The following ZNF235 variants were observed in gnomAD, a reference collection of about 807,000 sequenced individuals.
ZNF235 encodes the protein zinc finger protein 235.
ZNF235 carries 25 observed loss-of-function variants against 29.4 expected under a neutral mutation model. That is an observed-to-expected ratio of 0.85 (90% confidence interval 0.62 to 1.19). The LOEUF (loss-of-function observed/expected upper bound fraction) is 1.19, where lower values mean the gene tolerates loss of function less well. ZNF235 is among the 50% of genes most tolerant of loss of function. The probability of loss-of-function intolerance (pLI) is 0.00; values close to 1 mark genes in which losing one functional copy is unlikely to be tolerated. For missense variants in ZNF235, 788 were observed against 885.0 expected (o/e 0.89, Z 1.39); for synonymous variants, 300 against 295.3 (o/e 1.02, Z -0.16).
intron 2 of ZNF235, among the ~76,000 whole-genome samples, chr19:44,300,966 A>G (rs1011812652): frequency 2.0e-5 from 3 of 152,156 alleles, no homozygotes; most frequent in Non-Finnish European, 4.4e-5. Context: ...AGAGATTATA[A>G]GTATTCCCGA....
intron 4 of ZNF235, among the ~76,000 whole-genome samples, chr19:44,297,814 C>T (rs1230742793): frequency 3.9e-5 from 6 of 152,078 alleles, no homozygotes; most frequent in Non-Finnish European, 2.9e-5. Flanking sequence ...TGAGCAGAAG[C>T]ATGAATGAAA....
At chr19:44,298,741 A>G in intron 4 of ZNF235, 67 bp downstream of exon 4, 1 of 1,219,580 alleles carries the variant, frequency 8.2e-7, no homozygotes, top group Non-Finnish European at 1.2e-6. Context: ...CTGAGTGGAG[A>G]AGAAATTATC....
intron 2 of ZNF235, among the ~76,000 whole-genome samples, chr19:44,302,839 C>T (rs1384367083): frequency 3.8e-5 from 4 of 105,430 alleles, no homozygotes; most frequent in Admixed American, 1.0e-4. Context: ...TAACTATATA[C>T]TTATATATGA....
intron 4 of ZNF235, among the ~76,000 whole-genome samples, chr19:44,293,749 G>T (rs1975615887): frequency 1.3e-5 from 2 of 151,930 alleles, no homozygotes. Context: ...AATAAAACTA[G>T]AAATCAATTC....
At chr19:44,304,933 G>T in intron 1 of ZNF235, 38 bp downstream of exon 1, 14 of 985,478 alleles carry the variant, frequency 1.4e-5, no homozygotes, top group Non-Finnish European at 1.7e-5. Flanking sequence ...TAGGCAAAGA[G>T]GGCTCGGAGA....
chr19:44,289,001 G>A lies in ZNF235; in HGVS notation c.434C>T (p.Ala145Val). ...KHHDSPCQVG[A>V]GESIQASVDD... is the part of the protein sequence containing the mutation. The stretch of plus-strand genomic sequence containing the variant: ...CACAGAAGCTTGAATAGATTCTCCT[G>A]CTCCCACTTGACAGGGGGAATCATG... The change falls in exon 5 of 5, where the codon GCA becomes GTA. Residue 145 changes from alanine (A) to valine (V), a missense_variant. Transcript: ENST00000291182. 1 of 1,614,050 alleles carries A rather than the reference G, an allele frequency of 6.2e-7. No homozygotes were observed. The highest frequency in any genetic ancestry group is 8.5e-7 in the Non-Finnish European group (1 of 1,179,962).
rs1276432091 is a variant in ZNF235 at position 44,287,243 on chromosome 19, C to T, written c.2192G>A (p.Arg731Lys). ...SQRSHLIYHQRVHTGGNL is the reference protein window; with the variant it reads ...SQRSHLIYHQKVHTGGNL Reference sequence around the variant, plus strand: ...CTACAGATTCCCTCCAGTGTGGACTCTCTGATGGTAGATGAGATGTGACCT... The same window carrying T: ...CTACAGATTCCCTCCAGTGTGGACTTTCTGATGGTAGATGAGATGTGACCT... Residue 731 changes from arginine to lysine, a missense_variant, in exon 5 of 5, where the codon AGA (arginine) becomes AAA (lysine). By Grantham distance (26) the Arg-to-Lys change is conservative. Coordinates refer to ENST00000291182, the MANE Select transcript of ZNF235 (RefSeq NM_004234.4). 1 of 1,608,756 alleles carries T rather than the reference C, an allele frequency of 6.2e-7. No homozygotes were observed. Among genetic ancestry groups the T allele is most frequent in the South Asian group, 1.1e-5 (1 of 90,194 alleles).
At position 44,299,020 on chromosome 19, in the gene ZNF235, A is replaced by T. The variant is rs556839228; in HGVS notation, c.143-117T>A. The T allele has an allele frequency of 3.3e-5, 21 of 629,098 alleles. No homozygotes were observed. The East Asian group carries it at 5.9e-4, about 18-fold the overall frequency. 39.0% of individuals were successfully genotyped at this position (629,098 alleles called of 1,614,324 possible). On this transcript the variant is annotated intron_variant, in intron 3 of 4. Coordinates refer to ENST00000291182, the MANE Select transcript of ZNF235 (RefSeq NM_004234.4). ...CCCCAGCATGCAATGTTTAGGGAAC[A>T]TTTTTTTTTGTCATGACACATTATA...
At chr19:44,292,743 T>C (rs1975601737) in intron 4 of ZNF235, among the ~76,000 whole-genome samples, 1 of 151,950 alleles carries the variant, frequency 6.6e-6, no homozygotes, top group African/African-American at 2.4e-5. Context: ...AGAGATCTAA[T>C]GAACTCCACG....
rs760716967 is a variant in ZNF235, at chr19:44,287,280, C to A, written c.2155G>T (p.Gly719Cys). The A allele has an allele frequency of 6.2e-7, 1 of 1,612,788 alleles. No homozygotes were observed. The highest frequency in any genetic ancestry group is 1.1e-5 in the South Asian group (1 of 90,992). ...RPYICDVCCKGFSQRSHLIYH... is the reference protein window; with the variant it reads ...RPYICDVCCKCFSQRSHLIYH... ...ATGAGATGTGACCTCTGACTGAAGC[C>A]CTTACAACAGACATCACATATGTAA... The change falls in exon 5 of 5, where the codon GGC (glycine) becomes TGC (cysteine). Residue 719 changes from glycine to cysteine, a missense_variant. Gly to Cys is a radical substitution (Grantham distance 159, BLOSUM62 -3). Transcript: ENST00000291182.
intron 4 of ZNF235, chr19:44,290,463 T>G: frequency 6.6e-6 from 1 of 151,772 alleles, no homozygotes. Context: ...GTTTTGTTTT[T>G]TTGAAATGGA....
chr19:44,304,586 G>A (rs1197827007), intron 1 of ZNF235: 2 of 462,024 alleles, frequency 4.3e-6, no homozygotes, highest in South Asian at 9.1e-5. Context: ...CTATGCACTG[G>A]TTTTAAGCTT....
chr19:44,288,516 G>C lies in ZNF235; in HGVS notation c.919C>G (p.Pro307Ala). 6.2e-7 allele frequency: 1 copy of C among 1,614,112 alleles called. No individual in the cohort carries two copies. Among genetic ancestry groups the C allele is most frequent in the East Asian group, 2.2e-5 (1 of 44,872 alleles). Residue 307 changes from proline (P) to alanine (A), a missense_variant, in exon 5 of 5, where the codon CCT becomes GCT. By Grantham distance (27) the Pro-to-Ala change is conservative. Coordinates refer to ENST00000291182, the MANE Select transcript of ZNF235 (RefSeq NM_004234.4). Reference protein sequence around the residue: ...EKDTSYSSGIPVQQSVRTGKK... With the variant: ...EKDTSYSSGIAVQQSVRTGKK... Reference sequence around the variant, plus strand: ...CCAGTACGAACACTTTGTTGAACAGGAATACCTGAGCTATAACTGGTGTCC... The same window carrying C: ...CCAGTACGAACACTTTGTTGAACAGCAATACCTGAGCTATAACTGGTGTCC...
chr19:44,296,516 C>A (rs1480745820), intron 4 of ZNF235, among the ~76,000 whole-genome samples: 2 of 152,232 alleles, frequency 1.3e-5, no homozygotes, highest in East Asian at 1.9e-4. Flanking sequence ...CCTACTAAGT[C>A]ATTTTTGTCA....
Position 44,287,521 on chromosome 19 carries a change from C to T in ZNF235, c.1914G>A (p.Gln638=), listed in dbSNP as rs747474033. The T allele has an allele frequency of 6.2e-7, 1 of 1,614,204 alleles. No individual in the cohort carries two copies. Among genetic ancestry groups the T allele is most frequent in the Non-Finnish European group, 8.5e-7 (1 of 1,180,032 alleles). ...KCDTCGKAFS[Q]RSNLQVHQII... is the part of the protein sequence containing the mutation. ...TCTGATGGACTTGAAGATTTGACCT[C>T]TGGCTGAAGGCCTTACCACAAGTGT... The change falls in exon 5 of 5, where the codon CAG becomes CAA. Residue 638 remains glutamine (Q), a synonymous_variant. Transcript: ENST00000291182.
intron 4 of ZNF235, among the ~76,000 whole-genome samples, chr19:44,298,104 G>C (rs752393771): frequency 9.9e-5 from 15 of 152,128 alleles, no homozygotes; most frequent in Non-Finnish European, 2.2e-4. Context: ...GGGCAACAGA[G>C]TGAGACCCTA....
chr19:44,286,556 C>T lies in ZNF235; in HGVS notation c.*662G>A, dbSNP rs1435529637. On this transcript the variant is annotated 3_prime_UTR_variant, in exon 5 of 5. Transcript: ENST00000291182. Reference sequence around the variant, plus strand: ...TGATACACTGTACAAAGAACTAAGGCTGAAGGATGGGAGCCATTCATGTCT... The same window carrying T: ...TGATACACTGTACAAAGAACTAAGGTTGAAGGATGGGAGCCATTCATGTCT... 6.6e-6 allele frequency: 1 copy of T among 152,188 alleles called. No individual in the cohort carries two copies. Among genetic ancestry groups the T allele is most frequent in the East Asian group, 1.9e-4 (1 of 5,192 alleles). The allele number at this position is 152,188 out of a possible 1,614,324, so 9.4% of individuals were successfully genotyped here. A position where few individuals can be genotyped will look rare whatever the true frequency, so the allele number is the denominator to read the frequency against.
chr19:44,295,639 A>C (rs1430072106), intron 4 of ZNF235, among the ~76,000 whole-genome samples: 2 of 152,218 alleles, frequency 1.3e-5, no homozygotes. Context: ...AGACAAAGCA[A>C]TCCTAAGCAA....
At chr19:44,300,102 G>T (rs1233870194) in intron 2 of ZNF235, among the ~76,000 whole-genome samples, 1 of 152,186 alleles carries the variant, frequency 6.6e-6, no homozygotes, top group Non-Finnish European at 1.5e-5. Flanking sequence ...TCAGGAACAT[G>T]CTGTCTTGGT....
Sources: gnomAD v4.1 joint callset for allele counts (sites outside exome capture counted in the v4.1 genomes callset) on GRCh38, gnomAD v4.1.1 for gene constraint, MANE v1.5 for transcripts, NCBI Gene and HGNC (gene_info 2026-07-23, HGNC 2026-07-21) for gene names.